CRTAP: variants seen among roughly 807,000 people sequenced by gnomAD.
CRTAP encodes cartilage-associated protein.
A neutral mutation model predicts 42.7 loss-of-function variants in CRTAP; 33 were observed. The ratio of observed to expected loss-of-function variants is 0.77; its 90% CI spans 0.59 to 1.03. CRTAP has a LOEUF of 1.03. Among genes scored for constraint, CRTAP ranks in the 50% least tolerant of loss-of-function variants. The pLI is 0.00. For missense variants in CRTAP, 613 were observed against 533.9 expected, an observed-to-expected ratio of 1.15 and a Z score of -1.46; for synonymous variants, 243 against 217.7, an observed-to-expected ratio of 1.12 and a Z score of -1.02.
At chr3:33,133,439 A>G (rs775174834) in intron 5 of CRTAP, among the ~76,000 whole-genome samples, 4 of 152,026 alleles carry the variant, frequency 2.6e-5, no homozygotes, top group Non-Finnish European at 4.4e-5. Context: ...TTGTAGTTTT[A>G]GTAGAGATGG....
chr3:33,114,339 T>C lies in CRTAP; in HGVS notation c.262T>C (p.Cys88Arg). 1 of 1,531,092 alleles carries C rather than the reference T, an allele frequency of 6.5e-7. No homozygotes were observed. Among genetic ancestry groups the C allele is most frequent in the Non-Finnish European group, 8.7e-7 (1 of 1,145,932 alleles). 94.8% of individuals were successfully genotyped at this position (1,531,092 alleles called of 1,614,324 possible). A position where few individuals can be genotyped will look rare whatever the true frequency, so the allele number is the denominator to read the frequency against. The change falls in exon 1 of 7, where the codon TGC becomes CGC. Residue 88 changes from cysteine to arginine, a missense_variant. Transcript: ENST00000320954. ...RDSEAFCHRN[C>R]SAAPQPEPAA... Reference sequence around the variant, plus strand: ...CAGCGAGGCCTTCTGCCACCGCAACTGCAGCGCCGCGCCGCAGCCCGAGCC... The same window carrying C: ...CAGCGAGGCCTTCTGCCACCGCAACCGCAGCGCCGCGCCGCAGCCCGAGCC...
intron 1 of CRTAP, among the ~76,000 whole-genome samples, chr3:33,116,230 A>G (rs1317741605): frequency 6.6e-6 from 1 of 152,222 alleles, no homozygotes; most frequent in Non-Finnish European, 1.5e-5. Flanking sequence ...ACCAAAAGGC[A>G]TGGGTTTTCT....
At chr3:33,136,074 C>T (rs2030411412) in intron 6 of CRTAP, among the ~76,000 whole-genome samples, 1 of 152,182 alleles carries the variant, frequency 6.6e-6, no homozygotes, top group Non-Finnish European at 1.5e-5. Context: ...CACCTCCAGC[C>T]CCTGGAAGAC....
At position 33,147,761 on chromosome 3, in the gene CRTAP, T is replaced by G. The variant is rs886058379; in HGVS notation, c.*5313T>G. 6 of 152,256 alleles carry G rather than the reference T, an allele frequency of 3.9e-5. No homozygotes were observed. The highest frequency in any genetic ancestry group is 8.8e-5 in the Non-Finnish European group (6 of 68,044). The allele number at this position is 152,256 out of a possible 1,614,324, so 9.4% of individuals were successfully genotyped here. A position where few individuals can be genotyped will look rare whatever the true frequency, so the allele number is the denominator to read the frequency against. On this transcript the variant is annotated 3_prime_UTR_variant, in exon 7 of 7. Transcript: ENST00000320954. ...TTTCTTTTTAAATCACATTAAATGT[T>G]TTACATTGCTTATTCTCTATTTTCT...
rs2030563206 is a variant in CRTAP, at chr3:33,141,253, GAC to G, written c.1153-1136_1153-1135del. The stretch of plus-strand genomic sequence containing the variant: ...TACCATCATCCCGCAAGTCACAACA[GAC>G]ACACAGCAGGATATAGTAACTCCCT... On this transcript the variant is annotated intron_variant, in intron 6 of 6. Transcript: ENST00000320954. 7.2e-5 allele frequency among the ~76,000 whole-genome samples: 11 copies of G among 152,268 alleles called. No homozygotes were observed. In the South Asian group the frequency reaches 2.3e-3, roughly 32 times the overall value.
intron 3 of CRTAP, among the ~76,000 whole-genome samples, chr3:33,127,739 C>T (rs1184237495): frequency 1.3e-5 from 2 of 150,660 alleles, no homozygotes; most frequent in Non-Finnish European, 2.9e-5. Flanking sequence ...TGAGCCACCG[C>T]ACCCGGCCTA....
chr3:33,127,241 G>C (rs528455328), intron 3 of CRTAP, among the ~76,000 whole-genome samples: 1 of 151,698 alleles, frequency 6.6e-6, no homozygotes, highest in East Asian at 1.9e-4. Flanking sequence ...TCCTCTCACA[G>C]TATAGATATA....
intron 3 of CRTAP, among the ~76,000 whole-genome samples, chr3:33,125,574 G>C (rs2030041713): frequency 8.1e-6 from 1 of 122,910 alleles, no homozygotes; most frequent in Admixed American, 1.1e-4. Context: ...ACAGAGAGAA[G>C]AGTAGATAAA....
chr3:33,124,298 C>A, intron 2 of CRTAP, 110 bp from the exon 3 acceptor site: 1 of 1,290,550 alleles, frequency 7.7e-7, no homozygotes, highest in Admixed American at 1.7e-5. Flanking sequence ...GTGGCTTCTT[C>A]AGAGCTAATG....
chr3:33,129,589 G>A (rs922034704), intron 3 of CRTAP, among the ~76,000 whole-genome samples: 3 of 142,032 alleles, frequency 2.1e-5, no homozygotes. Context: ...CCAGGCTGGA[G>A]TGCAGTGGCG....
In CRTAP at chr3:33,129,936, C is replaced by T. The variant is rs202206745; in HGVS notation, c.794-3C>T. On this transcript the variant is annotated splice_polypyrimidine_tract_variant and splice_region_variant and intron_variant, in intron 3 of 6. Coordinates refer to ENST00000320954, the MANE Select transcript of CRTAP (RefSeq NM_006371.5). ...CTCTGAAAATTTATATGTTTTGTTT[C>T]AGATCATTATGTAGAAGTTCTGGAA... 21 of 1,612,450 alleles carry T rather than the reference C, an allele frequency of 1.3e-5. No homozygotes were observed. The highest frequency in any genetic ancestry group is 2.7e-5 in the African/African-American group (2 of 75,006).
chr3:33,118,534 A>G (rs764636585), intron 1 of CRTAP, among the ~76,000 whole-genome samples: 1 of 152,260 alleles, frequency 6.6e-6, no homozygotes, highest in East Asian at 1.9e-4. Flanking sequence ...CATTGTCTCA[A>G]AATGACTTGG....
intron 1 of CRTAP, among the ~76,000 whole-genome samples, chr3:33,116,833 T>C (rs1701348195): frequency 1.3e-5 from 2 of 152,180 alleles, no homozygotes; most frequent in Admixed American, 1.3e-4. Context: ...TGGCTTGGCA[T>C]GATGGCTCAT....
chr3:33,127,695 A>G (rs2030118634), intron 3 of CRTAP, among the ~76,000 whole-genome samples: 1 of 151,290 alleles, frequency 6.6e-6, no homozygotes, highest in South Asian at 2.1e-4. Flanking sequence ...TGATCCACCC[A>G]CCTCGGCCTC....
At chr3:33,140,864 G>A (rs1262702612) in intron 6 of CRTAP, among the ~76,000 whole-genome samples, 1 of 152,236 alleles carries the variant, frequency 6.6e-6, no homozygotes, top group Admixed American at 6.5e-5. Context: ...GTCAAGCTTC[G>A]CCTGCTCCCA....
intron 2 of CRTAP, among the ~76,000 whole-genome samples, chr3:33,121,084 TG>T (rs917430205): frequency 6.6e-6 from 1 of 152,256 alleles, no homozygotes; most frequent in South Asian, 2.1e-4. Context: ...ACTGGGGGCC[TG>T]GGTTTCAAGC....
At chr3:33,134,907 G>A (rs1300692701) in intron 6 of CRTAP, among the ~76,000 whole-genome samples, 1 of 152,190 alleles carries the variant, frequency 6.6e-6, no homozygotes, top group East Asian at 1.9e-4. Flanking sequence ...AGCTTGCTCT[G>A]GTCTGATCCT....
chr3:33,117,098 C>T (rs1701350629), intron 1 of CRTAP, among the ~76,000 whole-genome samples: 1 of 150,918 alleles, frequency 6.6e-6, no homozygotes, highest in Non-Finnish European at 1.5e-5. Flanking sequence ...CAGAACAAGA[C>T]TCTTGTGTCA....
In CRTAP at chr3:33,147,270, G is replaced by C. The variant is rs1446194082; in HGVS notation, c.*4822G>C. The stretch of plus-strand genomic sequence containing the variant: ...ATGCCTGTGCCCATGACATCTCCCT[G>C]AAAGAGGACACCATGACAGCCCGGC... On this transcript the variant is annotated 3_prime_UTR_variant, in exon 7 of 7. Coordinates refer to ENST00000320954, the MANE Select transcript of CRTAP (RefSeq NM_006371.5). The C allele has an allele frequency of 2.0e-5, 3 of 152,784 alleles. No homozygotes were observed. The allele number at this position is 152,784 out of a possible 1,614,324, so 9.5% of individuals were successfully genotyped here.
Sources: gnomAD v4.1 joint callset for allele counts (sites outside exome capture counted in the v4.1 genomes callset) on GRCh38, gnomAD v4.1.1 for gene constraint, MANE v1.5 for transcripts, NCBI Gene and HGNC (gene_info 2026-07-23, HGNC 2026-07-21) for gene names.